Variants in NMNAT3 observed in about 807,000 individuals in gnomAD.
The protein encoded by NMNAT3 is nicotinamide/nicotinic acid mononucleotide adenylyltransferase 3.
NMNAT3 carries 21 observed loss-of-function variants against 24.8 expected under a neutral mutation model. The ratio of observed to expected loss-of-function variants is 0.85; its 90% CI spans 0.60 to 1.22. The LOEUF is 1.22. NMNAT3 is among the 50% of genes most tolerant of loss of function. The pLI is 0.00. For synonymous variants in NMNAT3, 136 were observed against 155.2 expected, an observed-to-expected ratio of 0.88 and a Z score of 0.92; for missense variants, 387 against 436.6, an observed-to-expected ratio of 0.89 and a Z score of 1.01.
At chr3:139,641,019 A>G (rs2056682020) in intron 1 of NMNAT3, among the ~76,000 whole-genome samples, 1 of 152,242 alleles carries the variant, frequency 6.6e-6, no homozygotes, top group African/African-American at 2.4e-5. Context: ...TAGGCAGTTC[A>G]TAAGTAACAA....
chr3:139,661,036 G>A (rs763120582), intron 1 of NMNAT3, among the ~76,000 whole-genome samples: 3 of 152,118 alleles, frequency 2.0e-5, no homozygotes, highest in Non-Finnish European at 4.4e-5. Context: ...AAGGAATGAC[G>A]CCACCATGGA....
At chr3:139,673,103 G>A (rs1182288072) in intron 1 of NMNAT3, among the ~76,000 whole-genome samples, 6 of 152,168 alleles carry the variant, frequency 3.9e-5, no homozygotes, top group Non-Finnish European at 8.8e-5. Context: ...CTATGCTGGA[G>A]ACTCAGCCTG....
At chr3:139,596,397 A>C (rs1511574) in intron 3 of NMNAT3, among the ~76,000 whole-genome samples, 50,565 of 152,050 alleles carry the variant, frequency 0.33, 10,346 homozygotes, top group South Asian at 0.63. Flanking sequence ...TACTAAGTGA[A>C]ATATATGTGG....
At chr3:139,578,536 A>T (rs1190857304) in intron 5 of NMNAT3, among the ~76,000 whole-genome samples, 1 of 152,202 alleles carries the variant, frequency 6.6e-6, no homozygotes, top group Non-Finnish European at 1.5e-5. Context: ...GCAAGTGAGA[A>T]ATATGTCTCA....
In NMNAT3 at chr3:139,630,936, C is replaced by T. The variant is rs562283326; in HGVS notation, c.-40-3172G>A. ...CTTTCAAAATCCTGTTTCATTTTGA[C>T]AAAATATACATTGTTAGCACCATTA... is the stretch of plus-strand genomic sequence containing the variant. On this transcript the variant is annotated intron_variant, in intron 2 of 6. Transcript: ENST00000643695. Among the ~76,000 whole-genome samples, 3 of 152,038 alleles carry T rather than the reference C, an allele frequency of 2.0e-5. No individual in the cohort carries two copies. In the South Asian group the frequency reaches 6.2e-4, roughly 32 times the overall value.
intron 1 of NMNAT3, among the ~76,000 whole-genome samples, chr3:139,669,478 G>GAA (rs61403161): frequency 0.083 from 4,909 of 59,192 alleles, 414 homozygotes; most frequent in Non-Finnish European, 0.094. Context: ...CCCTGTCTCA[G>GAA]AAAAAAAAAA....
At chr3:139,575,982 TCA>T in intron 5 of NMNAT3, 1 of 1,288,466 alleles carries the variant, frequency 7.8e-7, no homozygotes, top group South Asian at 1.2e-5. Flanking sequence ...TCTCTGAGCC[TCA>T]GTTTCTTTAT....
chr3:139,616,881 G>A (rs1210244255), intron 3 of NMNAT3, among the ~76,000 whole-genome samples: 1 of 152,138 alleles, frequency 6.6e-6, no homozygotes, highest in African/African-American at 2.4e-5. Context: ...GGCTGTCATG[G>A]TTTGCCTCTT....
intron 2 of NMNAT3, among the ~76,000 whole-genome samples, chr3:139,633,181 AT>A (rs1553755551): frequency 0.18 from 17,802 of 99,170 alleles, 1,127 homozygotes; most frequent in Non-Finnish European, 0.21. Context: ...TTTTTGTTTG[AT>A]TTTTTTTTTT....
intron 5 of NMNAT3, chr3:139,577,690 A>G (rs984931595): frequency 2.0e-5 from 3 of 152,180 alleles, no homozygotes; most frequent in Non-Finnish European, 2.9e-5. Context: ...ATAATTTTCA[A>G]TATAAGGGTC....
chr3:139,564,661 G>A (rs1035738111), intron 6 of NMNAT3, among the ~76,000 whole-genome samples: 4 of 152,180 alleles, frequency 2.6e-5, no homozygotes, highest in Admixed American at 1.3e-4. Flanking sequence ...AGAAATTGCC[G>A]AGCTCATCAC....
intron 3 of NMNAT3, among the ~76,000 whole-genome samples, chr3:139,592,534 G>C (rs933615279): frequency 1.1e-3 from 174 of 152,250 alleles, no homozygotes; most frequent in Admixed American, 7.2e-4. Context: ...CACCAAAGTT[G>C]AAATGAAGGA....
At chr3:139,577,166 A>C (rs1939449441) in intron 5 of NMNAT3, among the ~76,000 whole-genome samples, 1 of 152,166 alleles carries the variant, frequency 6.6e-6, no homozygotes, top group Non-Finnish European at 1.5e-5. Flanking sequence ...CGTTCAGTAC[A>C]ATCTTAGCTC....
chr3:139,622,354 T>C (rs1198782999), intron 3 of NMNAT3, among the ~76,000 whole-genome samples: 3 of 151,804 alleles, frequency 2.0e-5, no homozygotes, highest in East Asian at 3.9e-4. Flanking sequence ...CAGTTTTTCA[T>C]ATACCTGATG....
intron 5 of NMNAT3, among the ~76,000 whole-genome samples, chr3:139,573,979 A>C (rs979425024): frequency 6.6e-6 from 1 of 152,208 alleles, no homozygotes; most frequent in African/African-American, 2.4e-5. Flanking sequence ...TCTCAAAAAA[A>C]AAAGGAGGCA....
intron 3 of NMNAT3, among the ~76,000 whole-genome samples, chr3:139,622,865 T>TAA (rs1553753088): frequency 2.8e-5 from 4 of 144,864 alleles, no homozygotes; most frequent in Admixed American, 1.4e-4. Flanking sequence ...TATATATATA[T>TAA]AAACAGTATA....
intron 3 of NMNAT3, among the ~76,000 whole-genome samples, chr3:139,601,478 A>G (rs2054713787): frequency 6.6e-6 from 1 of 152,220 alleles, no homozygotes; most frequent in Admixed American, 6.5e-5. Context: ...GGGCAGATAC[A>G]CGGTTGGAAA....
rs142132942 is a variant in NMNAT3 at position 139,673,367 on chromosome 3, T to G, written c.-141+4338A>C. Among the ~76,000 whole-genome samples the G allele has an allele frequency of 2.0e-4, 30 of 152,282 alleles. No individual in the cohort carries two copies. In the East Asian group the frequency reaches 5.4e-3, roughly 28 times the overall value. ...TTGGATCACAGCATTATTCTCCCAT[T>G]TGGAAGCTGAAGCACAGTTGTTTTT... On this transcript the variant is annotated intron_variant, in intron 1 of 6. Transcript: ENST00000643695.
At chr3:139,624,878 G>C (rs563210856) in intron 3 of NMNAT3, among the ~76,000 whole-genome samples, 1 of 152,166 alleles carries the variant, frequency 6.6e-6, no homozygotes, top group Non-Finnish European at 1.5e-5. Context: ...TTGTTTAATA[G>C]TGTTGTTCAA....
Sources: allele counts gnomAD v4.1 joint callset (sites outside exome capture counted in the v4.1 genomes callset), GRCh38; gene constraint gnomAD v4.1.1; transcripts MANE v1.5; gene names NCBI Gene and HGNC (gene_info 2026-07-23, HGNC 2026-07-21).